Variants in PHEX observed in about 807,000 individuals in gnomAD.
PHEX encodes phosphate regulating endopeptidase X-linked.
In PHEX, 16 loss-of-function variants were observed where a neutral mutation model predicts 68.0. The observed-to-expected ratio is 0.24, with a 90% CI of 0.16 to 0.36. The LOEUF (loss-of-function observed/expected upper bound fraction) is 0.36, where lower values mean the gene tolerates loss of function less well. Among genes scored for constraint, PHEX ranks in the 10% least tolerant of loss-of-function variants. The pLI is 1.00. For synonymous variants in PHEX, 208 were observed against 205.1 expected, an observed-to-expected ratio of 1.01 and a Z score of -0.12; for missense variants, 480 against 575.5, an observed-to-expected ratio of 0.83 and a Z score of 1.70.
chrX:22,168,473 T>C (rs1478014378), intron 13 of PHEX, 84 bp downstream of exon 13: 5 of 617,058 alleles, frequency 8.1e-6, no homozygotes, highest in African/African-American at 2.2e-5. Flanking sequence ...GTCCTAGCAA[T>C]TAAAACTGGT....
chrX:22,096,376 A>G (rs1465278978), intron 7 of PHEX, among the ~76,000 whole-genome samples: 1 of 112,227 alleles, frequency 8.9e-6, no homozygotes, highest in Non-Finnish European at 1.9e-5. Context: ...GGCTAGAGAG[A>G]GGCAAGTTTT....
At chrX:22,155,110 C>T (rs191278433) in intron 12 of PHEX, among the ~76,000 whole-genome samples, 325 of 112,427 alleles carry the variant, frequency 2.9e-3, no homozygotes, top group Non-Finnish European at 4.8e-3. Context: ...CGAGGTTTCA[C>T]CATATTGGTC....
At chrX:22,223,564 C>T (rs1293651063) in intron 18 of PHEX, among the ~76,000 whole-genome samples, 3 of 111,885 alleles carry the variant, frequency 2.7e-5, no homozygotes, top group East Asian at 5.6e-4. Context: ...GGGAAACATA[C>T]GGAGACCCTG....
At chrX:22,189,918 A>AG (rs1934144709) in intron 14 of PHEX, among the ~76,000 whole-genome samples, 1 of 112,522 alleles carries the variant, frequency 8.9e-6, no homozygotes, top group African/African-American at 3.2e-5. Flanking sequence ...TGATAGAGGC[A>AG]GTACACTTTC....
At chrX:22,120,486 G>A (rs1931440921) in intron 11 of PHEX, among the ~76,000 whole-genome samples, 1 of 111,524 alleles carries the variant, frequency 9.0e-6, no homozygotes, top group Non-Finnish European at 1.9e-5. Context: ...ACATTTCAGA[G>A]GTAGGAAACA....
At chrX:22,090,931 C>G (rs2301302) in intron 6 of PHEX, among the ~76,000 whole-genome samples, 2 of 111,562 alleles carry the variant, frequency 1.8e-5, no homozygotes, top group East Asian at 5.6e-4. Flanking sequence ...CCTGGAGAGT[C>G]TGACTTAGAC....
At chrX:22,081,124 C>T (rs1330274061) in intron 5 of PHEX, among the ~76,000 whole-genome samples, 3 of 110,486 alleles carry the variant, frequency 2.7e-5, no homozygotes, top group Admixed American at 1.9e-4. Flanking sequence ...CTTTTAGCTC[C>T]CACCCAACCT....
intron 14 of PHEX, among the ~76,000 whole-genome samples, chrX:22,189,557 C>T (rs1017641380): frequency 9.1e-6 from 1 of 110,266 alleles, no homozygotes; most frequent in African/African-American, 3.3e-5. Flanking sequence ...GCCAACATGC[C>T]GAAACCCTGT....
At chrX:22,037,628 C>CT (rs547864797) in intron 1 of PHEX, among the ~76,000 whole-genome samples, 45 of 104,228 alleles carry the variant, frequency 4.3e-4, no homozygotes, top group East Asian at 3.6e-3. Flanking sequence ...CAATTTTAGA[C>CT]TTTTTTTTTT....
chrX:22,223,502 T>C (rs762894087), intron 18 of PHEX, among the ~76,000 whole-genome samples: 1 of 111,862 alleles, frequency 8.9e-6, no homozygotes, highest in South Asian at 3.8e-4. Flanking sequence ...CTAAACACTT[T>C]GGAAGGCCAA....
At chrX:22,141,598 C>T (rs1932464332) in intron 12 of PHEX, among the ~76,000 whole-genome samples, 1 of 110,676 alleles carries the variant, frequency 9.0e-6, no homozygotes, top group Admixed American at 9.6e-5. Context: ...AAAAAACCCT[C>T]ATCCCAGAAC....
intron 9 of PHEX, among the ~76,000 whole-genome samples, chrX:22,109,842 A>G (rs763566728): frequency 1.2e-4 from 13 of 112,216 alleles, no homozygotes; most frequent in Non-Finnish European, 2.4e-4. Context: ...TAGGCATTAC[A>G]TGAGCTTATG....
At chrX:22,051,079 GA>G (rs1219705939) in intron 3 of PHEX, among the ~76,000 whole-genome samples, 1 of 111,768 alleles carries the variant, frequency 8.9e-6, no homozygotes, top group Non-Finnish European at 1.9e-5. Flanking sequence ...TATGCTCTGG[GA>G]AAGACATAAT....
At chrX:22,065,669 C>T (rs1569376473) in intron 3 of PHEX, among the ~76,000 whole-genome samples, 1 of 111,961 alleles carries the variant, frequency 8.9e-6, no homozygotes, top group Non-Finnish European at 1.9e-5. Flanking sequence ...CGTGATCCGC[C>T]TGCCTCGGCC....
Position 22,227,562 on chromosome X carries a change from C to T in PHEX, c.2021C>T (p.Pro674Leu), listed in dbSNP as rs199517401. ...RRQGLEEPLL[P>L]GITFTNNQLF... ...CAGGGACTTGAGGAGCCTCTTCTACCAGGCATCACATTCACCAACAACCAG... is the reference window on the plus strand; with the variant it reads ...CAGGGACTTGAGGAGCCTCTTCTACTAGGCATCACATTCACCAACAACCAG... The change falls in exon 20 of 22, where the codon CCA becomes CTA. Residue 674 changes from proline to leucine, a missense_variant. Physicochemically the swap from Pro to Leu is moderately conservative, Grantham distance 98. Transcript: ENST00000379374. The T allele has an allele frequency of 2.2e-5, 27 of 1,207,064 alleles. No homozygotes were observed. The highest frequency in any genetic ancestry group is 2.8e-5 in the Non-Finnish European group (25 of 892,585).
chrX:22,245,071 C>T (rs1488454619), intron 20 of PHEX, among the ~76,000 whole-genome samples: 3 of 111,916 alleles, frequency 2.7e-5, no homozygotes, highest in Non-Finnish European at 3.8e-5. Flanking sequence ...GGCACATATA[C>T]GATTCTCTTG....
intron 3 of PHEX, among the ~76,000 whole-genome samples, chrX:22,071,683 C>T (rs1258843196): frequency 3.5e-5 from 4 of 112,814 alleles, no homozygotes; most frequent in Non-Finnish European, 7.5e-5. Flanking sequence ...AAAATTCTCA[C>T]GTTTCATCCC....
At chrX:22,054,441 T>C (rs1021222561) in intron 3 of PHEX, among the ~76,000 whole-genome samples, 20 of 112,048 alleles carry the variant, frequency 1.8e-4, no homozygotes, top group African/African-American at 5.2e-4. Context: ...GGCCACTTCA[T>C]GAAGTTCTTT....
rs1936491479 is a variant in PHEX at position 22,249,442 on chromosome X, T to TTAAA, written c.*1489_*1490insTAAA. 1 of 38,699 alleles carries TTAAA rather than the reference T, an allele frequency of 2.6e-5. No individual in the cohort carries two copies. Among genetic ancestry groups the TTAAA allele is most frequent in the Admixed American group, 3.4e-4 (1 of 2,982 alleles). The allele number at this position is 38,699 out of a possible 1,213,427, so 3.2% of individuals were successfully genotyped here. ...GTGTCCCTGTGATTTGTGATTCTTT[T>TTAAA]AAAAAAAAAAAAAATATATATATAT... On this transcript the variant is annotated 3_prime_UTR_variant, in exon 22 of 22. Transcript: ENST00000379374.
Sources: allele counts gnomAD v4.1 joint callset (sites outside exome capture counted in the v4.1 genomes callset), GRCh38; gene constraint gnomAD v4.1.1; transcripts MANE v1.5; gene names NCBI Gene and HGNC (gene_info 2026-07-23, HGNC 2026-07-21).